Variants in NRXN3 observed in about 807,000 individuals in gnomAD.
The protein encoded by NRXN3 is neurexin 3, also known as neurexin III.
Under a neutral mutation model 137.6 loss-of-function variants are expected in NRXN3, and 32 were observed. That is an observed-to-expected ratio of 0.23 (90% CI 0.18 to 0.31). The LOEUF is 0.31. Among genes scored for constraint, NRXN3 ranks in the 10% least tolerant of loss-of-function variants. NRXN3 has a pLI of 1.00. For synonymous variants in NRXN3, 798 were observed against 784.5 expected (o/e 1.02, Z -0.29); for missense variants, 1,574 against 2,062.5 (o/e 0.76, Z 4.59).
At chr14:78,328,951 C>T (rs1409573595) in intron 4 of NRXN3, among the ~76,000 whole-genome samples, 1 of 152,088 alleles carries the variant, frequency 6.6e-6, no homozygotes, top group Non-Finnish European at 1.5e-5. Flanking sequence ...CAGGATTCTG[C>T]CACATGGTCT....
intron 10 of NRXN3, among the ~76,000 whole-genome samples, chr14:78,811,196 A>T (rs769454210): frequency 6.6e-6 from 1 of 152,226 alleles, no homozygotes; most frequent in Non-Finnish European, 1.5e-5. Flanking sequence ...CAATCCCAAC[A>T]TTATAATGGC....
At position 79,018,671 on chromosome 14, in the gene NRXN3, A is replaced by G. The variant is rs1367083012; in HGVS notation, c.3262+30530A>G. Among the ~76,000 whole-genome samples the G allele has an allele frequency of 2.0e-5, 3 of 152,320 alleles. No homozygotes were observed. The East Asian group carries it at 5.8e-4, about 29-fold the overall frequency. The stretch of plus-strand genomic sequence containing the variant: ...AATAAGCAAAATCAATAATTAATAG[A>G]TAGCAAATACATTCATGCTGACTTC... On this transcript the variant is annotated intron_variant, in intron 15 of 20. Transcript: ENST00000335750.
intron 15 of NRXN3, among the ~76,000 whole-genome samples, chr14:79,091,276 A>T (rs1358179830): frequency 1.3e-5 from 2 of 152,180 alleles, no homozygotes; most frequent in South Asian, 2.1e-4. Flanking sequence ...AGCTAAGAGT[A>T]TTCTATATAA....
chr14:79,133,366 C>G (rs1364537747), intron 15 of NRXN3, among the ~76,000 whole-genome samples: 2 of 151,896 alleles, frequency 1.3e-5, no homozygotes, highest in African/African-American at 4.8e-5. Flanking sequence ...AAGGCCAGAC[C>G]AGACTGACTT....
chr14:79,417,751 A>G (rs1326976951), intron 15 of NRXN3, among the ~76,000 whole-genome samples: 1 of 152,162 alleles, frequency 6.6e-6, no homozygotes, highest in Non-Finnish European at 1.5e-5. Context: ...TCATTTTACC[A>G]TCAGCGTATT....
chr14:78,597,509 G>T (rs2152424684), intron 4 of NRXN3, among the ~76,000 whole-genome samples: 1 of 152,212 alleles, frequency 6.6e-6, no homozygotes, highest in Non-Finnish European at 1.5e-5. Context: ...GCTTCATGGG[G>T]TACAGGAAAG....
intron 15 of NRXN3, among the ~76,000 whole-genome samples, chr14:79,389,620 A>G (rs1457302386): frequency 1.3e-5 from 2 of 152,258 alleles, no homozygotes; most frequent in East Asian, 1.9e-4. Context: ...TGAGAATCCC[A>G]TGCTTCATGC....
At chr14:79,432,563 G>A (rs746434604) in intron 15 of NRXN3, among the ~76,000 whole-genome samples, 1 of 152,136 alleles carries the variant, frequency 6.6e-6, no homozygotes, top group African/African-American at 2.4e-5. Flanking sequence ...TCTGAAAGAA[G>A]AATATTTCAC....
chr14:78,638,291 G>T (rs2097583773), intron 4 of NRXN3, among the ~76,000 whole-genome samples: 1 of 152,052 alleles, frequency 6.6e-6, no homozygotes, highest in Non-Finnish European at 1.5e-5. Context: ...GTGCAGGATT[G>T]CTCAGGGCGA....
At chr14:79,087,247 G>C (rs948864027) in intron 15 of NRXN3, among the ~76,000 whole-genome samples, 1 of 152,134 alleles carries the variant, frequency 6.6e-6, no homozygotes, top group Non-Finnish European at 1.5e-5. Context: ...CCTTTTGCAA[G>C]TGGTTCTCCT....
intron 18 of NRXN3, 73 bp from the exon 19 acceptor site, chr14:79,697,557 T>A (rs2098740073): frequency 6.6e-7 from 1 of 1,505,234 alleles, no homozygotes; most frequent in East Asian, 2.3e-5. Flanking sequence ...TGATGCCTGG[T>A]CCATTCAGAC....
intron 15 of NRXN3, among the ~76,000 whole-genome samples, chr14:79,013,881 G>A (rs1351374650): frequency 6.6e-6 from 1 of 152,156 alleles, no homozygotes; most frequent in Admixed American, 6.5e-5. Flanking sequence ...GGTAAGTGCT[G>A]TCTGTATTGG....
At chr14:78,627,929 G>A (rs1016957941) in intron 4 of NRXN3, among the ~76,000 whole-genome samples, 1 of 152,146 alleles carries the variant, frequency 6.6e-6, no homozygotes, top group Non-Finnish European at 1.5e-5. Flanking sequence ...TAAACCCAAA[G>A]TCAAAGCCCT....
chr14:79,280,675 G>A (rs1183106906), intron 15 of NRXN3: 5 of 903,610 alleles, frequency 5.5e-6, no homozygotes, highest in African/African-American at 1.7e-5. Context: ...GTATGTCCAT[G>A]AGGGAAGCAA....
chr14:78,777,847 T>C (rs1218376051), intron 8 of NRXN3, among the ~76,000 whole-genome samples: 1 of 152,116 alleles, frequency 6.6e-6, no homozygotes, highest in Non-Finnish European at 1.5e-5. Flanking sequence ...ACTGCAACCT[T>C]TGCTTCCTGG....
intron 15 of NRXN3, among the ~76,000 whole-genome samples, chr14:79,127,858 G>C (rs1275621981): frequency 2.0e-5 from 3 of 151,876 alleles, no homozygotes; most frequent in African/African-American, 7.3e-5. Context: ...TCCTTGAGCA[G>C]TGGTTTGTAG....
At chr14:79,380,605 C>G (rs567660083) in intron 15 of NRXN3, among the ~76,000 whole-genome samples, 28 of 152,132 alleles carry the variant, frequency 1.8e-4, no homozygotes, top group Non-Finnish European at 3.7e-4. Flanking sequence ...CATTGTTGGA[C>G]ATTTGGGTTG....
chr14:78,751,852 A>G (rs1299862079), intron 8 of NRXN3, among the ~76,000 whole-genome samples: 1 of 152,118 alleles, frequency 6.6e-6, no homozygotes, highest in Non-Finnish European at 1.5e-5. Flanking sequence ...TCTCAGACCT[A>G]TTCAATTGCA....
intron 15 of NRXN3, among the ~76,000 whole-genome samples, chr14:79,261,837 A>T (rs1434354689): frequency 6.6e-6 from 1 of 152,038 alleles, no homozygotes; most frequent in African/African-American, 2.4e-5. Context: ...GAGGGTACCG[A>T]GGAGGGGCTC....
Sources: gnomAD v4.1 joint callset for allele counts (sites outside exome capture counted in the v4.1 genomes callset) on GRCh38, gnomAD v4.1.1 for gene constraint, MANE v1.5 for transcripts, NCBI Gene and HGNC (gene_info 2026-07-23, HGNC 2026-07-21) for gene names.